The following SIGLEC5 variants were observed in gnomAD, a reference collection of about 807,000 sequenced individuals.
SIGLEC5 encodes the protein sialic acid-binding Ig-like lectin 5.
In SIGLEC5, 34 loss-of-function variants were observed where a neutral mutation model predicts 45.9. The ratio of observed to expected loss-of-function variants is 0.74; its 90% CI spans 0.56 to 0.99. The LOEUF is 0.99. SIGLEC5 is among the 50% of genes least tolerant of loss of function. The probability of loss-of-function intolerance (pLI) is 0.00; values close to 1 mark genes in which losing one functional copy is unlikely to be tolerated. For missense variants in SIGLEC5, 508 were observed against 629.6 expected, an observed-to-expected ratio of 0.81 and a Z score of 2.07; for synonymous variants, 203 against 258.6, an observed-to-expected ratio of 0.79 and a Z score of 2.06.
At chr19:51,628,734 A>C (rs1983603682) in intron 4 of SIGLEC5, among the ~76,000 whole-genome samples, 6 of 133,582 alleles carry the variant, frequency 4.5e-5, no homozygotes. Context: ...GTGTGTGTGC[A>C]TGTGTGCCTG....
chr19:51,629,127 C>T (rs780603303), intron 3 of SIGLEC5, 51 bp from the exon 4 acceptor site: 4 of 1,598,866 alleles, frequency 2.5e-6, no homozygotes, highest in Non-Finnish European at 2.6e-6. Flanking sequence ...GTGAGATGGG[C>T]ATGGGCCCAG....
In SIGLEC5 at chr19:51,612,318, A is replaced by G; in HGVS notation, c.1569T>C (p.Leu523=). Residue 523 remains leucine (L), a synonymous_variant, in exon 9 of 9, where the codon CTT becomes CTC. Transcript: ENST00000683636. The part of the protein sequence containing the change: ...EEQKELHYAS[L]SFSEMKSREP... ...CCCTCGACTTCATCTCAGAAAAACT[A>G]AGGGAGGCATAATGGAGCTCCTTTT... The G allele has an allele frequency of 6.2e-7, 1 of 1,613,254 alleles. No individual in the cohort carries two copies. The highest frequency in any genetic ancestry group is 1.7e-4 in the Middle Eastern group (1 of 5,826).
Position 51,627,830 on chromosome 19 carries a change from TCA to T in SIGLEC5, c.997+2_997+3del. On this transcript the variant is annotated splice_donor_variant and splice_donor_region_variant and intron_variant, in intron 5 of 8. Transcript: ENST00000683636. LOFTEE classifies it high-confidence loss of function. ...GTTCCTGCTCCAGCTGCCCCCACAC[TCA>T]CAGTAAACTGAGAGATTCAGAAAAA... 1.9e-6 allele frequency: 3 copies of T among 1,595,664 alleles called. No homozygotes were observed. Among genetic ancestry groups the T allele is most frequent in the Non-Finnish European group, 2.6e-6 (3 of 1,170,154 alleles).
In SIGLEC5 at chr19:51,626,194, T is replaced by C. The variant is rs563427887; in HGVS notation, c.1383-81A>G. 206 of 1,150,720 alleles carry C rather than the reference T, an allele frequency of 1.8e-4. 5 individuals are homozygous for C. In the South Asian group the frequency reaches 2.0e-3, roughly 11 times the overall value. 71.3% of individuals were successfully genotyped at this position (1,150,720 alleles called of 1,614,324 possible). A position where few individuals can be genotyped will look rare whatever the true frequency, so the allele number is the denominator to read the frequency against. On this transcript the variant is annotated intron_variant, in intron 7 of 8. Coordinates refer to ENST00000683636, the MANE Select transcript of SIGLEC5 (RefSeq NM_003830.4). ...GTTGTCCCATCCCATGCTAAGATGG[T>C]GAAAATGACAATGAAGCCATCCAGG...
At chr19:51,613,637 A>G (rs781479479) in intron 8 of SIGLEC5, among the ~76,000 whole-genome samples, 52 of 152,272 alleles carry the variant, frequency 3.4e-4, no homozygotes, top group Middle Eastern at 3.4e-3. Flanking sequence ...ATCAGACCAT[A>G]TTGAGGACTT....
At chr19:51,628,511 G>A (rs533614740) in intron 4 of SIGLEC5, among the ~76,000 whole-genome samples, 29 of 152,286 alleles carry the variant, frequency 1.9e-4, no homozygotes, top group Middle Eastern at 3.4e-3. Context: ...ACCACAGGAG[G>A]GATGGGAGAT....
chr19:51,617,172 G>T (rs1029401259), intron 8 of SIGLEC5, among the ~76,000 whole-genome samples: 2 of 149,654 alleles, frequency 1.3e-5, no homozygotes, highest in African/African-American at 2.5e-5. Context: ...GGAGAATGGC[G>T]TGAACCCGGG....
intron 8 of SIGLEC5, chr19:51,621,095 T>G (rs1983266253): frequency 6.6e-6 from 1 of 152,198 alleles, no homozygotes; most frequent in Non-Finnish European, 1.5e-5. Flanking sequence ...GGAAATGAAA[T>G]CAATTAAAAA....
chr19:51,628,651 G>A (rs1007287281), intron 4 of SIGLEC5, among the ~76,000 whole-genome samples: 5 of 150,696 alleles, frequency 3.3e-5, no homozygotes, highest in African/African-American at 1.2e-4. Flanking sequence ...ATGTGTGTGT[G>A]GTGTATGTGC....
In SIGLEC5 at chr19:51,612,331, T is replaced by C. The variant is rs1238587814; in HGVS notation, c.1556A>G (p.His519Arg). ...APPLEEQKEL[H>R]YASLSFSEMK... ...CTCAGAAAAACTAAGGGAGGCATAA[T>C]GGAGCTCCTTTTGTTCTTCCAAGGG... The change falls in exon 9 of 9, where the codon CAT becomes CGT. Residue 519 changes from histidine to arginine, a missense_variant. Transcript: ENST00000683636. The C allele has an allele frequency of 6.2e-7, 1 of 1,613,354 alleles. No individual in the cohort carries two copies. The highest frequency in any genetic ancestry group is 2.2e-5 in the East Asian group (1 of 44,844).
Position 51,614,061 on chromosome 19 carries a change from C to T in SIGLEC5, c.1465-1639G>A, listed in dbSNP as rs564900134. On this transcript the variant is annotated intron_variant, in intron 8 of 8. Coordinates refer to ENST00000683636, the MANE Select transcript of SIGLEC5 (RefSeq NM_003830.4). ...GTAACCAGATACAAGTAAGCAATTT[C>T]TTTCCTCTCCCACCTTCACCCATAT... 2.0e-5 allele frequency among the ~76,000 whole-genome samples: 3 copies of T among 152,336 alleles called. No individual in the cohort carries two copies. In the East Asian group the frequency reaches 5.8e-4, roughly 29 times the overall value.
At chr19:51,628,933 T>C in intron 4 of SIGLEC5, 105 bp downstream of exon 4, 1 of 1,165,922 alleles carries the variant, frequency 8.6e-7, no homozygotes, top group African/African-American at 1.5e-5. Flanking sequence ...TAATTCTCAT[T>C]CTTGCTCTTC....
intron 8 of SIGLEC5, among the ~76,000 whole-genome samples, chr19:51,622,251 C>T (rs1456872478): frequency 6.6e-6 from 1 of 152,106 alleles, no homozygotes; most frequent in Admixed American, 6.5e-5. Flanking sequence ...CCTGCCTCAG[C>T]CTCCCGAGTA....
intron 3 of SIGLEC5, 126 bp from the exon 4 acceptor site, chr19:51,629,202 G>T (rs189514427): frequency 2.0e-4 from 305 of 1,525,824 alleles, no homozygotes; most frequent in Non-Finnish European, 2.6e-4. Flanking sequence ...CTCACTCCCC[G>T]CAGATCCCAA....
At chr19:51,623,372 T>C (rs548602100) in intron 8 of SIGLEC5, among the ~76,000 whole-genome samples, 93 of 152,322 alleles carry the variant, frequency 6.1e-4, no homozygotes, top group African/African-American at 2.1e-3. Flanking sequence ...GAAGACAAGC[T>C]ACGCATTGGG....
At chr19:51,629,305 C>CA (rs1983638222) in intron 3 of SIGLEC5, 53 bp downstream of exon 3, 157 of 1,589,036 alleles carry the variant, frequency 9.9e-5, no homozygotes, top group African/African-American at 3.5e-4. Flanking sequence ...CACACACACA[C>CA]CCCTCACTCC....
Position 51,612,202 on chromosome 19 carries a change from C to T in SIGLEC5, c.*29G>A. ...TTCCCCCAGACAGGCTGTGGCTCCT[C>T]CAGCCAGGACTGAACTCTGGGCAAA... On this transcript the variant is annotated 3_prime_UTR_variant, in exon 9 of 9. Coordinates refer to ENST00000683636, the MANE Select transcript of SIGLEC5 (RefSeq NM_003830.4). 1.3e-6 allele frequency: 2 copies of T among 1,537,298 alleles called. No individual in the cohort carries two copies. Among genetic ancestry groups the T allele is most frequent in the South Asian group, 2.5e-5 (2 of 80,772 alleles).
intron 7 of SIGLEC5, among the ~76,000 whole-genome samples, chr19:51,626,493 T>C (rs756452602): frequency 1.3e-5 from 2 of 152,122 alleles, no homozygotes; most frequent in Admixed American, 6.5e-5. Flanking sequence ...AGGAATGAAG[T>C]ATCGATGCAT....
In SIGLEC5 at chr19:51,627,924, G is replaced by A. The variant is rs149130627; in HGVS notation, c.907C>T (p.Arg303Ter). 1,407 of 1,614,102 alleles carry A rather than the reference G, an allele frequency of 8.7e-4. 1 individual carries two copies. Among genetic ancestry groups the A allele is most frequent in the Admixed American group, 8.8e-4 (53 of 60,000 alleles). ...ISNTGILELRRVRSAEEGGFT... is the reference protein window; with the variant it reads ...ISNTGILELR ...CCTCCTTCTTCTGCAGACCTTACTCGACGAAGCTCCAAGATCCCGGTATTG... is the reference window on the plus strand; with the variant it reads ...CCTCCTTCTTCTGCAGACCTTACTCAACGAAGCTCCAAGATCCCGGTATTG... The change falls in exon 5 of 9, where the codon CGA becomes TGA. Residue 303 changes from arginine to a stop codon, truncating the protein, a stop_gained. Coordinates refer to ENST00000683636, the MANE Select transcript of SIGLEC5 (RefSeq NM_003830.4). LOFTEE classifies it high-confidence loss of function.
Sources: gnomAD v4.1 joint callset for allele counts (sites outside exome capture counted in the v4.1 genomes callset) on GRCh38, gnomAD v4.1.1 for gene constraint, MANE v1.5 for transcripts, NCBI Gene and HGNC (gene_info 2026-07-23, HGNC 2026-07-21) for gene names.